BTD: variants seen among roughly 807,000 people sequenced by gnomAD.
The protein encoded by BTD is biocytinase.
A neutral mutation model predicts 17.7 loss-of-function variants in BTD; 13 were observed. That is an observed-to-expected ratio of 0.74 (90% confidence interval 0.48 to 1.17). BTD has a LOEUF of 1.17. Among genes scored for constraint, BTD ranks in the 50% most tolerant of loss-of-function variants. BTD has a pLI of 0.00. For missense variants in BTD, 674 were observed against 650.4 expected (o/e 1.04, Z -0.39); for synonymous variants, 240 against 245.2 (o/e 0.98, Z 0.20).
At chr3:15,625,557 G>GT (rs780051277) in intron 1 of BTD, among the ~76,000 whole-genome samples, 32 of 151,580 alleles carry the variant, frequency 2.1e-4, no homozygotes, top group African/African-American at 6.5e-4. Flanking sequence ...GTTTTGTTTT[G>GT]TTTTTTCTGT....
At chr3:15,641,761 G>C (rs935886297) in intron 2 of BTD, 147 bp from the exon 3 acceptor site, 1 of 689,892 alleles carries the variant, frequency 1.4e-6, no homozygotes, top group African/African-American at 1.8e-5. Flanking sequence ...TCTCTGAGGA[G>C]AGTAAAGACA....
chr3:15,720,777 C>T (rs917402055), intron 4 of BTD: 11 of 806,788 alleles, frequency 1.4e-5, no homozygotes, highest in Non-Finnish European at 1.9e-5. Flanking sequence ...AAGGCTTTCA[C>T]TCAGCATAAT....
chr3:15,641,470 A>C (rs1280792626), intron 2 of BTD, among the ~76,000 whole-genome samples: 1 of 152,236 alleles, frequency 6.6e-6, no homozygotes. Flanking sequence ...ATTTAAATGC[A>C]CAATGGAAGT....
intron 3 of BTD, chr3:15,675,768 A>G (rs1441808597): frequency 2.8e-6 from 2 of 724,480 alleles, no homozygotes; most frequent in African/African-American, 1.8e-5. Context: ...CTTTGCCACA[A>G]ACTACTCTTC....
intron 1 of BTD, among the ~76,000 whole-genome samples, chr3:15,611,888 A>C (rs2064646225): frequency 6.6e-6 from 1 of 152,010 alleles, no homozygotes; most frequent in Non-Finnish European, 1.5e-5. Context: ...TTTTTAAAAA[A>C]AATTCTTCTG....
intron 1 of BTD, among the ~76,000 whole-genome samples, chr3:15,605,572 A>G (rs891906418): frequency 6.6e-6 from 1 of 152,244 alleles, no homozygotes; most frequent in Admixed American, 6.5e-5. Context: ...GAATGTATCC[A>G]TATTTTAATT....
At chr3:15,629,616 C>G (rs532416586) in intron 1 of BTD, among the ~76,000 whole-genome samples, 1 of 152,164 alleles carries the variant, frequency 6.6e-6, no homozygotes, top group Admixed American at 6.5e-5. Flanking sequence ...CTCCGCCGCC[C>G]GAGTTCAAGC....
At chr3:15,601,440 C>T (rs757912260), upstream of BTD, 2 of 1,613,786 alleles carry the variant, frequency 1.2e-6, no homozygotes, top group South Asian at 2.2e-5. Flanking sequence ...CCTCGCTGCG[C>T]TCTGCGAAGT....
At chr3:15,607,196 C>T (rs1559575929) in intron 1 of BTD, among the ~76,000 whole-genome samples, 1 of 152,074 alleles carries the variant, frequency 6.6e-6, no homozygotes, top group Non-Finnish European at 1.5e-5. Flanking sequence ...GGATATTTTA[C>T]TGAAATGTTA....
rs1445643065 is a variant in BTD, at chr3:15,601,759, T to A, written c.-152T>A. The A allele has an allele frequency of 1.2e-6, 2 of 1,603,478 alleles. No individual in the cohort carries two copies. The highest frequency in any genetic ancestry group is 2.7e-5 in the African/African-American group (2 of 74,870). ...GCGGGACTAGCAGGAGATTGCTGCC[T>A]ATGCAAAGCAGGTAAGAAGCCGAAC... On this transcript the variant is annotated 5_prime_UTR_variant, in exon 1 of 4. Transcript: ENST00000643237.
Position 15,601,900 on chromosome 3 carries a change from GA to G in BTD, c.-17+7del. The G allele has an allele frequency of 6.2e-7, 1 of 1,613,704 alleles. No individual in the cohort carries two copies. Among genetic ancestry groups the G allele is most frequent in the Non-Finnish European group, 8.5e-7 (1 of 1,180,024 alleles). On this transcript the variant is annotated splice_region_variant and intron_variant, in intron 1 of 3. Coordinates refer to ENST00000643237, the MANE Select transcript of BTD (RefSeq NM_001370658.1). ...GGAAGGCGCGCTAAGAGCAGGTACG[GA>G]GGGGGCGTGGTGCGGCGCGGAGGGG...
chr3:15,650,809 G>T lies in BTD; in HGVS notation c.*5321G>T, dbSNP rs142282279. ...TTTTGAGATGGAGTCTTGCTCTGTC[G>T]CCCGGGCAGGAGTGCAATGGCATGA... On this transcript the variant is annotated 3_prime_UTR_variant, in exon 4 of 4. Coordinates refer to ENST00000643237, the MANE Select transcript of BTD (RefSeq NM_001370658.1). Among the ~76,000 whole-genome samples, 2 of 152,144 alleles carry T rather than the reference G, an allele frequency of 1.3e-5. No homozygotes were observed. The highest frequency in any genetic ancestry group is 2.4e-5 in the African/African-American group (1 of 41,420).
chr3:15,721,168 G>C, intron 4 of BTD: 1 of 1,553,740 alleles, frequency 6.4e-7, no homozygotes, highest in Non-Finnish European at 8.8e-7. Flanking sequence ...AAGTAGTTTT[G>C]CTAATTATCA....
chr3:15,645,215 C>A lies in BTD; in HGVS notation c.1299C>A (p.Tyr433Ter), dbSNP rs751315508. The change falls in exon 4 of 4, where the codon TAC (tyrosine) becomes TAA (stop). Residue 433 changes from tyrosine (Y) to a stop codon, truncating the protein, a stop_gained. Coordinates refer to ENST00000643237, the MANE Select transcript of BTD (RefSeq NM_001370658.1). LOFTEE classifies it high-confidence loss of function. ...FDGLHTVHGT[Y>*]YIQVCALVRC... ...GGCTTCACACAGTACATGGCACTTA[C>A]TACATCCAAGTGTGTGCCCTGGTCA... is the stretch of plus-strand genomic sequence containing the variant. 6.2e-7 allele frequency: 1 copy of A among 1,614,184 alleles called. No individual in the cohort carries two copies. Among genetic ancestry groups the A allele is most frequent in the East Asian group, 2.2e-5 (1 of 44,888 alleles).
intron 3 of BTD, among the ~76,000 whole-genome samples, chr3:15,692,946 G>C: frequency 6.6e-6 from 1 of 152,182 alleles, no homozygotes; most frequent in African/African-American, 2.4e-5. Context: ...AGGAAATTCA[G>C]CCACATGCTA....
intron 3 of BTD, among the ~76,000 whole-genome samples, chr3:15,643,050 T>TAA (rs145247612): frequency 9.2e-5 from 13 of 140,604 alleles, no homozygotes; most frequent in African/African-American, 3.7e-4. Flanking sequence ...AAAAATAAAA[T>TAA]AAAATAAAGA....
intron 3 of BTD, among the ~76,000 whole-genome samples, chr3:15,663,282 C>A (rs1270977506): frequency 3.9e-5 from 6 of 152,254 alleles, no homozygotes; most frequent in Non-Finnish European, 5.9e-5. Flanking sequence ...GCGTGAGCCG[C>A]CGCGCCTGGC....
At chr3:15,632,130 A>T (rs2065228184) in intron 1 of BTD, among the ~76,000 whole-genome samples, 1 of 152,094 alleles carries the variant, frequency 6.6e-6, no homozygotes, top group South Asian at 2.1e-4. Context: ...AACCCCCTTC[A>T]GGCCTCGGTC....
At chr3:15,696,073 T>C (rs1309594796) in intron 3 of BTD, 1 of 1,142,208 alleles carries the variant, frequency 8.8e-7, no homozygotes, top group Non-Finnish European at 1.3e-6. Context: ...ATTCTCATTT[T>C]TGTTACATTA....
Sources: gnomAD v4.1 joint callset for allele counts (sites outside exome capture counted in the v4.1 genomes callset) on GRCh38, gnomAD v4.1.1 for gene constraint, MANE v1.5 for transcripts, NCBI Gene and HGNC (gene_info 2026-07-23, HGNC 2026-07-21) for gene names.